The following KIF13B variants were observed in gnomAD, a reference collection of about 807,000 sequenced individuals.
KIF13B encodes the protein kinesin-like protein KIF13B.
In KIF13B, 127 loss-of-function variants were observed where a neutral mutation model predicts 222.0. That is an observed-to-expected ratio of 0.57 (90% confidence interval 0.50 to 0.66). KIF13B has a LOEUF of 0.66. Ranked by LOEUF, KIF13B falls within the 30% of genes least tolerant of loss-of-function variation. The pLI is 0.00. For missense variants in KIF13B, 2,173 were observed against 2,379.0 expected (o/e 0.91, Z 1.80); for synonymous variants, 976 against 919.0 (o/e 1.06, Z -1.12).
Position 29,172,671 on chromosome 8 carries a change from G to A in KIF13B, c.945+3397C>T, listed in dbSNP as rs540135208. Among the ~76,000 whole-genome samples, 57 of 152,240 alleles carry A rather than the reference G, an allele frequency of 3.7e-4. 1 individual carries two copies. The highest frequency in any genetic ancestry group is 1.3e-3 in the African/African-American group (56 of 41,540). ...AAAACAGCTGCACAGTCAAGTCAGC[G>A]ATGATTCCAATCCCGATCCTGCCAT... is the stretch of plus-strand genomic sequence containing the variant. On this transcript the variant is annotated intron_variant, in intron 10 of 39. Transcript: ENST00000524189.
At chr8:29,231,845 A>G (rs1261459555) in intron 2 of KIF13B, among the ~76,000 whole-genome samples, 1 of 152,144 alleles carries the variant, frequency 6.6e-6, no homozygotes, top group Non-Finnish European at 1.5e-5. Context: ...TCCAATCAAA[A>G]CTTCTTATGC....
chr8:29,113,961 C>T (rs1007622099), intron 31 of KIF13B, among the ~76,000 whole-genome samples: 1 of 152,168 alleles, frequency 6.6e-6, no homozygotes, highest in Non-Finnish European at 1.5e-5. Context: ...ATGGACATCT[C>T]GTACCATGAA....
At chr8:29,121,838 C>T (rs1468821881) in intron 29 of KIF13B, among the ~76,000 whole-genome samples, 1 of 151,298 alleles carries the variant, frequency 6.6e-6, no homozygotes, top group African/African-American at 2.4e-5. Flanking sequence ...ATGAATGGCA[C>T]AAGAACTCAT....
At chr8:29,235,046 A>G (rs994811092) in intron 2 of KIF13B, among the ~76,000 whole-genome samples, 1 of 152,216 alleles carries the variant, frequency 6.6e-6, no homozygotes, top group Admixed American at 6.5e-5. Flanking sequence ...TACACATTAT[A>G]AACAGAATTG....
Position 29,092,744 on chromosome 8 carries a change from C to T in KIF13B, c.4458+1G>A. On this transcript the variant is annotated splice_donor_variant, in intron 37 of 39. Transcript: ENST00000524189. LOFTEE classifies it high-confidence loss of function. The stretch of plus-strand genomic sequence containing the variant: ...ACAGCTGTTTTCTCGGTGCTTTTTA[C>T]CTGGTGTGCGAGGGGAGACGGCCGC... 6.2e-7 allele frequency: 1 copy of T among 1,607,046 alleles called. No individual in the cohort carries two copies. The highest frequency in any genetic ancestry group is 8.5e-7 in the Non-Finnish European group (1 of 1,177,674).
At chr8:29,230,310 C>A (rs1413837615) in intron 2 of KIF13B, among the ~76,000 whole-genome samples, 1 of 152,220 alleles carries the variant, frequency 6.6e-6, no homozygotes, top group Non-Finnish European at 1.5e-5. Flanking sequence ...AACTCCCTCG[C>A]AGCACCTCTG....
intron 2 of KIF13B, among the ~76,000 whole-genome samples, chr8:29,204,553 GA>G (rs1246752150): frequency 1.3e-5 from 2 of 152,110 alleles, no homozygotes; most frequent in Admixed American, 1.3e-4. Flanking sequence ...AAATTTTAAA[GA>G]AAAATAAAAA....
At chr8:29,256,959 T>TG (rs1816503818) in intron 1 of KIF13B, among the ~76,000 whole-genome samples, 1 of 152,126 alleles carries the variant, frequency 6.6e-6, no homozygotes, top group Non-Finnish European at 1.5e-5. Flanking sequence ...TTCACCATGT[T>TG]GGCCAGTCTG....
intron 21 of KIF13B, among the ~76,000 whole-genome samples, chr8:29,138,803 C>G (rs1043817803): frequency 6.6e-6 from 1 of 152,080 alleles, no homozygotes; most frequent in Non-Finnish European, 1.5e-5. Context: ...AAAGAGAAAG[C>G]GAGCGAGTGA....
intron 8 of KIF13B, 92 bp downstream of exon 8, chr8:29,180,012 G>T: frequency 7.1e-7 from 1 of 1,406,632 alleles, no homozygotes; most frequent in South Asian, 1.3e-5. Flanking sequence ...GTCTAGCCAG[G>T]ACTTTAATTC....
chr8:29,109,531 C>A lies in KIF13B; in HGVS notation c.4084-20G>T. 1 of 1,607,096 alleles carries A rather than the reference C, an allele frequency of 6.2e-7. No individual in the cohort carries two copies. On this transcript the variant is annotated intron_variant, in intron 33 of 39. Coordinates refer to ENST00000524189, the MANE Select transcript of KIF13B (RefSeq NM_015254.4). The stretch of plus-strand genomic sequence containing the variant: ...AACTTCCTGTGAATCAGAAAACATA[C>A]AGAGGAAAAAGACATGTAAGAGACA...
In KIF13B at chr8:29,223,344, AAC is replaced by A. The variant is rs1252751430; in HGVS notation, c.149+22000_149+22001del. On this transcript the variant is annotated intron_variant, in intron 2 of 39. Coordinates refer to ENST00000524189, the MANE Select transcript of KIF13B (RefSeq NM_015254.4). ...GAGACCCTGTCTCAAAAAAAAAAAAAACAAAAAAATCTAAATCAAACATTTTC... is the reference window on the plus strand; with the variant it reads ...GAGACCCTGTCTCAAAAAAAAAAAAAAAAAAAATCTAAATCAAACATTTTC... Among the ~76,000 whole-genome samples, 36 of 149,800 alleles carry A rather than the reference AAC, an allele frequency of 2.4e-4. 7 individuals carry two copies. The highest frequency in any genetic ancestry group is 3.4e-3 in the Middle Eastern group (1 of 290).
chr8:29,092,790 G>A lies in KIF13B; in HGVS notation c.4413C>T (p.Val1471=), dbSNP rs765436495. 2 of 1,613,592 alleles carry A rather than the reference G, an allele frequency of 1.2e-6. No individual in the cohort carries two copies. Among genetic ancestry groups the A allele is most frequent in the Non-Finnish European group, 1.7e-6 (2 of 1,179,772 alleles). ...GCCGCTTGCCCCTCTTCTCATCGCG[G>A]ACGGGAAAGAGAGACTTGAGGAGCT... ...MPKLLKSLFP[V]RDEKRGKRPS... The change falls in exon 37 of 40, where the codon GTC becomes GTT. Residue 1471 remains valine, a synonymous_variant. Coordinates refer to ENST00000524189, the MANE Select transcript of KIF13B (RefSeq NM_015254.4).
chr8:29,075,251 G>A (rs778665138), intron 38 of KIF13B, 30 bp downstream of exon 38: 2 of 1,544,494 alleles, frequency 1.3e-6, no homozygotes, highest in Admixed American at 2.0e-5. Context: ...GCTGTAGGTG[G>A]GGTGGCCACC....
chr8:29,225,199 C>T (rs1001668215), intron 2 of KIF13B, among the ~76,000 whole-genome samples: 1 of 152,206 alleles, frequency 6.6e-6, no homozygotes, highest in Admixed American at 6.5e-5. Flanking sequence ...GGCAGGGCCA[C>T]ATGTGGAGGA....
intron 5 of KIF13B, 33 bp from the exon 6 acceptor site, chr8:29,186,505 T>A: frequency 6.4e-7 from 1 of 1,558,098 alleles, no homozygotes; most frequent in Non-Finnish European, 8.7e-7. Flanking sequence ...TACTATTGTC[T>A]CTTTGAGACG....
intron 10 of KIF13B, among the ~76,000 whole-genome samples, chr8:29,172,129 G>A (rs1425872368): frequency 1.4e-5 from 2 of 141,122 alleles, no homozygotes; most frequent in African/African-American, 2.6e-5. Context: ...CGCCCAGGCT[G>A]GAGTGCAGTG....
In KIF13B at chr8:29,186,294, T is replaced by A; in HGVS notation, c.495A>T (p.Lys165Asn). The A allele has an allele frequency of 6.2e-7, 1 of 1,610,314 alleles. No homozygotes were observed. Among genetic ancestry groups the A allele is most frequent in the Non-Finnish European group, 8.5e-7 (1 of 1,177,858 alleles). ...NEKVRDLLDPKGSRQTLKVRE... is the reference protein window; with the variant it reads ...NEKVRDLLDPNGSRQTLKVRE... The stretch of plus-strand genomic sequence containing the variant: ...ACTAAAGTCTCAAAGTCCTTTACCC[T>A]TTGGGATCAAGAAGGTCTCGAACTT... The change falls in exon 6 of 40, where the codon AAA becomes AAT. Residue 165 changes from lysine to asparagine, a missense_variant and splice_region_variant. Lys to Asn is a moderately conservative substitution (Grantham distance 94). Transcript: ENST00000524189.
At chr8:29,256,158 T>A (rs1376712059) in intron 1 of KIF13B, among the ~76,000 whole-genome samples, 1 of 152,186 alleles carries the variant, frequency 6.6e-6, no homozygotes, top group African/African-American at 2.4e-5. Context: ...ACACAGCACA[T>A]AAGCACTGAC....
Sources: allele counts gnomAD v4.1 joint callset (sites outside exome capture counted in the v4.1 genomes callset), GRCh38; gene constraint gnomAD v4.1.1; transcripts MANE v1.5; gene names NCBI Gene and HGNC (gene_info 2026-07-23, HGNC 2026-07-21).